The following OR56A3 variants were observed in gnomAD, a reference collection of about 807,000 sequenced individuals.
The protein encoded by OR56A3 is olfactory receptor 56A3.
OR56A3 carries 23 observed loss-of-function variants against 17.5 expected under a neutral mutation model. That is an observed-to-expected ratio of 1.32 (90% CI 0.95 to 1.87). The LOEUF (loss-of-function observed/expected upper bound fraction) is 1.87, where lower values mean the gene tolerates loss of function less well. Among genes scored for constraint, OR56A3 ranks in the 40% most tolerant of loss-of-function variants. The pLI is 0.00. For missense variants in OR56A3, 366 were observed against 380.1 expected (o/e 0.96, Z 0.31); for synonymous variants, 175 against 150.6 (o/e 1.16, Z -1.19).
At chr11:5,961,509 C>T in the OR56A3 span, among the ~76,000 whole-genome samples, 7 of 152,114 alleles carry the variant, frequency 4.6e-5, no homozygotes, top group East Asian at 1.9e-4. Flanking sequence ...GGATTAAGGG[C>T]GGTGCAAGAT....
chr11:5,978,620 G>C, the OR56A3 span, among the ~76,000 whole-genome samples: 8 of 152,062 alleles, frequency 5.3e-5, no homozygotes, highest in Non-Finnish European at 8.8e-5. Context: ...TTTAGGCAGA[G>C]AGTATGGGGT....
At chr11:5,986,015 T>G in the OR56A3 span, 3 of 1,613,142 alleles carry the variant, frequency 1.9e-6, no homozygotes, top group Admixed American at 3.3e-5. Flanking sequence ...ACAAGAGGAT[T>G]GAGCGCAGGT....
At chr11:6,019,181 A>G in the OR56A3 span, among the ~76,000 whole-genome samples, 2 of 150,998 alleles carry the variant, frequency 1.3e-5, no homozygotes, top group Admixed American at 6.6e-5. Context: ...CCTCAAGGCT[A>G]CTACTACCTT....
the OR56A3 span, among the ~76,000 whole-genome samples, chr11:5,981,293 G>A: frequency 6.6e-6 from 1 of 152,136 alleles, no homozygotes; most frequent in Non-Finnish European, 1.5e-5. Flanking sequence ...CTCTTCCAGG[G>A]ATGTCAATCA....
chr11:5,971,792 T>C, the OR56A3 span, among the ~76,000 whole-genome samples: 1 of 152,202 alleles, frequency 6.6e-6, no homozygotes, highest in African/African-American at 2.4e-5. Flanking sequence ...GAATATTGTG[T>C]CCAATTCAAT....
chr11:5,943,947 T>C (rs1375066059), intron 1 of OR56A3, among the ~76,000 whole-genome samples: 1 of 152,210 alleles, frequency 6.6e-6, no homozygotes, highest in African/African-American at 2.4e-5. Context: ...TGGGGTTGGG[T>C]CAATTATGCC....
the OR56A3 span, among the ~76,000 whole-genome samples, chr11:5,985,564 C>G: frequency 6.6e-6 from 1 of 152,160 alleles, no homozygotes; most frequent in African/African-American, 2.4e-5. Flanking sequence ...AACTCTAAAC[C>G]TAAAACCAAC....
At chr11:5,968,396 G>A in the OR56A3 span, 1 of 1,612,938 alleles carries the variant, frequency 6.2e-7, no homozygotes, top group Non-Finnish European at 8.5e-7. Context: ...GGAGGCTGAG[G>A]GGCAGAGACA....
At chr11:5,986,883 C>G in the OR56A3 span, 7 of 1,613,694 alleles carry the variant, frequency 4.3e-6, no homozygotes, top group Non-Finnish European at 5.9e-6. Context: ...TGCTAAGGAG[C>G]ATTATCAATG....
At chr11:5,965,136 C>G in the OR56A3 span, among the ~76,000 whole-genome samples, 83 of 152,268 alleles carry the variant, frequency 5.5e-4, no homozygotes, top group South Asian at 2.7e-3. Context: ...CAATATTTTG[C>G]TCCACTTTCC....
At chr11:5,997,699 A>G in the OR56A3 span, among the ~76,000 whole-genome samples, 75 of 152,354 alleles carry the variant, frequency 4.9e-4, no homozygotes, top group Non-Finnish European at 9.1e-4. Flanking sequence ...AAATATTTCT[A>G]GACTTAGGAG....
chr11:5,986,081 G>C, the OR56A3 span: 1 of 1,613,964 alleles, frequency 6.2e-7, no homozygotes, highest in South Asian at 1.1e-5. Flanking sequence ...GGTACATGAT[G>C]ACCAAAGCGG....
chr11:5,986,222 C>T, the OR56A3 span: 1 of 1,613,732 alleles, frequency 6.2e-7, no homozygotes. Flanking sequence ...AGGATGTGGG[C>T]ATAGGAAACA....
downstream of OR56A3, among the ~76,000 whole-genome samples, chr11:5,952,877 C>G (rs1011330937): frequency 6.6e-6 from 1 of 152,126 alleles, no homozygotes; most frequent in Non-Finnish European, 1.5e-5. Context: ...AATGTTTAGC[C>G]TCCATTTATA....
At chr11:5,983,015 C>T in the OR56A3 span, among the ~76,000 whole-genome samples, 1 of 152,026 alleles carries the variant, frequency 6.6e-6, no homozygotes, top group Admixed American at 6.5e-5. Flanking sequence ...AAAGTGTTGT[C>T]AGTATTCTTG....
chr11:5,987,925 C>T, the OR56A3 span, among the ~76,000 whole-genome samples: 12 of 152,138 alleles, frequency 7.9e-5, no homozygotes, highest in Admixed American at 7.9e-4. Context: ...CATCATATCA[C>T]TCCTAAGATT....
chr11:5,974,869 A>C, the OR56A3 span, among the ~76,000 whole-genome samples: 90 of 152,330 alleles, frequency 5.9e-4, no homozygotes, highest in African/African-American at 2.1e-3. Flanking sequence ...TAGCACTTAA[A>C]ACAGTGCTGA....
rs1206775277 is a variant in OR56A3 at position 5,950,967 on chromosome 11, ATTATT to A, written c.*2676_*2680del. 2.0e-5 allele frequency: 3 copies of A among 152,100 alleles called. No homozygotes were observed. The highest frequency in any genetic ancestry group is 4.4e-5 in the Non-Finnish European group (3 of 67,978). 9.4% of individuals were successfully genotyped at this position (152,100 alleles called of 1,614,324 possible). On this transcript the variant is annotated 3_prime_UTR_variant, in exon 3 of 3. Transcript: ENST00000641160. ...CATCTTATAATACAGTTATATTTAT[ATTATT>A]TTGTTTTGGCTATAATTTTTCTTTT...
the OR56A3 span, among the ~76,000 whole-genome samples, chr11:6,008,824 A>C: frequency 1.3e-5 from 2 of 152,102 alleles, no homozygotes; most frequent in East Asian, 3.9e-4. Flanking sequence ...AATTACACCA[A>C]GGATTGTATT....
Sources: allele counts gnomAD v4.1 joint callset (sites outside exome capture counted in the v4.1 genomes callset), GRCh38; gene constraint gnomAD v4.1.1; transcripts MANE v1.5; gene names NCBI Gene and HGNC (gene_info 2026-07-23, HGNC 2026-07-21).